Variants in GOLGA5 observed in about 807,000 individuals in gnomAD.
The protein encoded by GOLGA5 is golgin A5, also known as golgin subfamily A member 5.
A neutral mutation model predicts 93.5 loss-of-function variants in GOLGA5; 50 were observed. The observed-to-expected ratio is 0.53, with a 90% CI of 0.43 to 0.68. The LOEUF is 0.68. Among genes scored for constraint, GOLGA5 ranks in the 30% least tolerant of loss-of-function variants. The pLI is 0.00. For missense variants in GOLGA5, 760 were observed against 856.4 expected, an observed-to-expected ratio of 0.89 and a Z score of 1.40; for synonymous variants, 312 against 304.5, an observed-to-expected ratio of 1.02 and a Z score of -0.26.
chr14:92,795,576 G>A (rs2140308438), intron 1 of GOLGA5, among the ~76,000 whole-genome samples: 1 of 152,290 alleles, frequency 6.6e-6, no homozygotes, highest in East Asian at 1.9e-4. Context: ...AGATACATGT[G>A]TACCTGTGTA....
intron 2 of GOLGA5, among the ~76,000 whole-genome samples, chr14:92,804,028 A>G (rs4303407): frequency 0.74 from 112,124 of 151,922 alleles, 41,815 homozygotes; most frequent in East Asian, 0.85. Context: ...TCTTTTGTTA[A>G]TTTTTGCTTT....
intron 2 of GOLGA5, among the ~76,000 whole-genome samples, chr14:92,798,885 C>T (rs867062525): frequency 1.2e-4 from 18 of 152,198 alleles, no homozygotes; most frequent in African/African-American, 4.3e-4. Context: ...CACTACACTC[C>T]AGCCTGGGCC....
Position 92,810,326 on chromosome 14 carries a change from T to A in GOLGA5, c.1065T>A (p.His355Gln). 6.2e-7 allele frequency: 1 copy of A among 1,607,692 alleles called. No individual in the cohort carries two copies. The highest frequency in any genetic ancestry group is 8.5e-7 in the Non-Finnish European group (1 of 1,175,792). ...TGCAGACTTTTCAGGAGAGACTGCA[T>A]GAAGCGGATGCCACTCTGAAGAGAG... is the stretch of plus-strand genomic sequence containing the variant. ...QALQTFQERL[H>Q]EADATLKREQ... Residue 355 changes from histidine (H) to glutamine (Q), a missense_variant, in exon 5 of 13, where the codon CAT becomes CAA. Transcript: ENST00000163416.
intron 12 of GOLGA5, among the ~76,000 whole-genome samples, chr14:92,838,548 G>A (rs148950597): frequency 3.2e-3 from 482 of 152,072 alleles, no homozygotes; most frequent in Middle Eastern, 0.014. Flanking sequence ...TTCTGTGTTT[G>A]GGAGATGGGT....
At chr14:92,834,384 T>C (rs997714086) in intron 10 of GOLGA5, among the ~76,000 whole-genome samples, 9 of 142,480 alleles carry the variant, frequency 6.3e-5, no homozygotes, top group Admixed American at 2.2e-4. Flanking sequence ...GTCCCCAGAG[T>C]GTGATGTTCC....
intron 2 of GOLGA5, among the ~76,000 whole-genome samples, chr14:92,800,472 A>G (rs187997599): frequency 3.9e-5 from 6 of 152,350 alleles, no homozygotes; most frequent in Admixed American, 2.0e-4. Flanking sequence ...AGGGTGATGA[A>G]GAAAATGTAG....
rs966425764 is a variant in GOLGA5, at chr14:92,794,381, C to G, written c.-106C>G. ...GAGGAGGTTTACTCAGCTTGGGCCC[C>G]CTCCGGGCCAGCCGCCGAGGGGGCG... On this transcript the variant is annotated 5_prime_UTR_variant, in exon 1 of 13. Transcript: ENST00000163416. 2 of 152,496 alleles carry G rather than the reference C, an allele frequency of 1.3e-5. No homozygotes were observed. The highest frequency in any genetic ancestry group is 4.1e-4 in the South Asian group (2 of 4,840). The allele number at this position is 152,496 out of a possible 1,614,324, so 9.4% of individuals were successfully genotyped here.
At chr14:92,797,351 A>G (rs1235844604) in intron 1 of GOLGA5, 57 bp from the exon 2 acceptor site, 7 of 1,019,104 alleles carry the variant, frequency 6.9e-6, no homozygotes, top group South Asian at 1.6e-5. Flanking sequence ...TCTGGTCTTA[A>G]CCATTTATCA....
At chr14:92,834,191 T>A (rs1008438639) in intron 10 of GOLGA5, among the ~76,000 whole-genome samples, 5 of 141,750 alleles carry the variant, frequency 3.5e-5, no homozygotes, top group African/African-American at 7.4e-5. Flanking sequence ...CACCTTTTTT[T>A]TTTTATTTTA....
chr14:92,796,483 G>A (rs1247885488), intron 1 of GOLGA5, among the ~76,000 whole-genome samples: 1 of 152,152 alleles, frequency 6.6e-6, no homozygotes, highest in Non-Finnish European at 1.5e-5. Context: ...ATGCCTGTTT[G>A]TGTTGAAATT....
chr14:92,797,053 G>T lies in GOLGA5; in HGVS notation c.-30-355G>T, dbSNP rs181439041. Among the ~76,000 whole-genome samples the T allele has an allele frequency of 1.2e-3, 183 of 147,870 alleles. 2 individuals are homozygous for T. The East Asian group carries it at 0.033, about 27-fold the overall frequency. ...AAAAACAGTAATTTATTATTACTTT[G>T]AAATAGTAATAATAAATAATAAAAA... is the stretch of plus-strand genomic sequence containing the variant. On this transcript the variant is annotated intron_variant, in intron 1 of 12. Coordinates refer to ENST00000163416, the MANE Select transcript of GOLGA5 (RefSeq NM_005113.4).
intron 2 of GOLGA5, among the ~76,000 whole-genome samples, chr14:92,802,649 A>G (rs1445790213): frequency 6.6e-6 from 1 of 151,770 alleles, no homozygotes; most frequent in African/African-American, 2.4e-5. Context: ...TATCATGTTG[A>G]ATTTTAGCAA....
intron 8 of GOLGA5, among the ~76,000 whole-genome samples, chr14:92,820,307 T>A (rs1473081921): frequency 6.6e-6 from 1 of 152,242 alleles, no homozygotes; most frequent in African/African-American, 2.4e-5. Context: ...GATGTGCACG[T>A]AGGCCAGATT....
chr14:92,794,933 C>A (rs1004198425), intron 1 of GOLGA5, among the ~76,000 whole-genome samples: 1 of 152,210 alleles, frequency 6.6e-6, no homozygotes, highest in Admixed American at 6.5e-5. Context: ...TTGACGGGTG[C>A]CTCTGAAGTC....
intron 8 of GOLGA5, among the ~76,000 whole-genome samples, chr14:92,820,583 G>C (rs1187786788): frequency 3.3e-5 from 5 of 152,188 alleles, no homozygotes; most frequent in Non-Finnish European, 7.3e-5. Flanking sequence ...CTGGGGGACG[G>C]TCAGGTCTTT....
chr14:92,807,002 T>G (rs544825654), intron 3 of GOLGA5, 39 bp downstream of exon 3: 11 of 1,382,654 alleles, frequency 8.0e-6, no homozygotes, highest in South Asian at 3.5e-5. Context: ...AATTTAACTT[T>G]TAAAAATAAA....
chr14:92,836,224 GTTC>G (rs1289264921), intron 11 of GOLGA5, among the ~76,000 whole-genome samples: 1 of 152,076 alleles, frequency 6.6e-6, no homozygotes, highest in Non-Finnish European at 1.5e-5. Flanking sequence ...CATTGATAAG[GTTC>G]TTGTCTAAAT....
At chr14:92,835,941 A>ACAGGGT (rs3034717) in intron 11 of GOLGA5, among the ~76,000 whole-genome samples, 1 of 151,814 alleles carries the variant, frequency 6.6e-6, no homozygotes, top group Non-Finnish European at 1.5e-5. Context: ...CCCTGACTGT[A>ACAGGGT]TCTCTTTTTT....
At chr14:92,807,830 C>A (rs1171215044) in intron 3 of GOLGA5, among the ~76,000 whole-genome samples, 1 of 151,820 alleles carries the variant, frequency 6.6e-6, no homozygotes, top group Non-Finnish European at 1.5e-5. Flanking sequence ...AAACGAGTGA[C>A]AAAATTGCTG....
Sources: allele counts gnomAD v4.1 joint callset (sites outside exome capture counted in the v4.1 genomes callset), GRCh38; gene constraint gnomAD v4.1.1; transcripts MANE v1.5; gene names NCBI Gene and HGNC (gene_info 2026-07-23, HGNC 2026-07-21).